ABL1: variants seen among roughly 807,000 people sequenced by gnomAD.
The protein encoded by ABL1 is tyrosine-protein kinase ABL1.
ABL1 carries 11 observed loss-of-function variants against 94.7 expected under a neutral mutation model. That is an observed-to-expected ratio of 0.12 (90% CI 0.07 to 0.19). ABL1 has a LOEUF of 0.19. Among genes scored for constraint, ABL1 ranks in the 10% least tolerant of loss-of-function variants. ABL1 has a pLI of 1.00. For synonymous variants in ABL1, 656 were observed against 622.4 expected, an observed-to-expected ratio of 1.05 and a Z score of -0.80; for missense variants, 1,082 against 1,489.4, an observed-to-expected ratio of 0.73 and a Z score of 4.50.
At chr9:130,833,228 T>C (rs1830515044), upstream of ABL1, among the ~76,000 whole-genome samples, 1 of 152,238 alleles carries the variant, frequency 6.6e-6, no homozygotes, top group South Asian at 2.1e-4. Context: ...ATTCTTGGCA[T>C]TAAGCCGCCA....
Position 130,884,504 on chromosome 9 carries a change from G to T in ABL1, c.2214G>T (p.Arg738=). ...AGTGGAGGTCAGTCACGCTGCCTCG[G>T]GACTTGCAGTCCACGGGAAGACAGT... is the stretch of plus-strand genomic sequence containing the variant. ...DTEWRSVTLP[R]DLQSTGRQFD... The change falls in exon 11 of 11, where the codon CGG becomes CGT. Residue 738 remains arginine (R), a synonymous_variant. Coordinates refer to ENST00000318560, the MANE Select transcript of ABL1 (RefSeq NM_005157.6). The surrounding 1 kb of genome is among the most constrained non-coding windows in gnomAD (Gnocchi z 5.6). 6.2e-7 allele frequency: 1 copy of T among 1,613,178 alleles called. No homozygotes were observed. Among genetic ancestry groups the T allele is most frequent in the Non-Finnish European group, 8.5e-7 (1 of 1,180,044 alleles).
chr9:130,867,201 G>T (rs1052659710), intron 4 of ABL1, among the ~76,000 whole-genome samples: 1 of 152,192 alleles, frequency 6.6e-6, no homozygotes, highest in Admixed American at 6.5e-5. Context: ...CTCGAGTTCT[G>T]TGTCTTTCCT....
chr9:130,717,177 G>C (rs1459459306), intron 1 of ABL1, among the ~76,000 whole-genome samples: 1 of 151,922 alleles, frequency 6.6e-6, no homozygotes. Flanking sequence ...TGAGTAGCTG[G>C]GATTACAGGC....
chr9:130,866,731 G>C (rs1831163834), intron 4 of ABL1, among the ~76,000 whole-genome samples: 1 of 152,216 alleles, frequency 6.6e-6, no homozygotes, highest in Admixed American at 6.5e-5. Context: ...AAGGCTCATT[G>C]ATTGGGAACT....
chr9:130,791,688 T>C (rs1362612488), intron 1 of ABL1, among the ~76,000 whole-genome samples: 3 of 152,188 alleles, frequency 2.0e-5, no homozygotes, highest in Non-Finnish European at 4.4e-5. Flanking sequence ...TTTGGACTCT[T>C]GGACTTGTAC....
chr9:130,860,477 T>TAA (rs1831053884), intron 3 of ABL1, among the ~76,000 whole-genome samples: 1 of 152,152 alleles, frequency 6.6e-6, no homozygotes, highest in Admixed American at 6.6e-5. Flanking sequence ...CTGCGTAAAC[T>TAA]AGGACTTAGG....
chr9:130,836,130 A>G (rs1830579254), intron 1 of ABL1, among the ~76,000 whole-genome samples: 1 of 152,166 alleles, frequency 6.6e-6, no homozygotes, highest in African/African-American at 2.4e-5. Flanking sequence ...ACAGACCACG[A>G]AGAGGTCTTA....
intron 1 of ABL1, among the ~76,000 whole-genome samples, chr9:130,844,587 G>A (rs1830731791): frequency 6.6e-6 from 1 of 152,036 alleles, no homozygotes; most frequent in South Asian, 2.1e-4. Context: ...GATCACTTGA[G>A]GTCAGGAGTT....
Position 130,862,620 on chromosome 9 carries a change from T to A in ABL1, c.550-143T>A. ...GTAGAGAAAGACAGCAGAAGTGATC[T>A]TCTAAACACTCTGTCCTGTGTGGAG... On this transcript the variant is annotated intron_variant, in intron 3 of 10. Coordinates refer to ENST00000318560, the MANE Select transcript of ABL1 (RefSeq NM_005157.6). This position sits in a 1 kb window ranked among gnomAD's most constrained non-coding sequence, Gnocchi z 5.5. The A allele has an allele frequency of 1.1e-6, 1 of 910,822 alleles. No individual in the cohort carries two copies. Among genetic ancestry groups the A allele is most frequent in the South Asian group, 1.8e-5 (1 of 56,570 alleles). The allele number at this position is 910,822 out of a possible 1,614,324, so 56.4% of individuals were successfully genotyped here.
rs1021677333 is a variant in ABL1 at position 130,885,806 on chromosome 9, C to T, written c.*123C>T. On this transcript the variant is annotated 3_prime_UTR_variant, in exon 11 of 11. Coordinates refer to ENST00000318560, the MANE Select transcript of ABL1 (RefSeq NM_005157.6). Reference sequence around the variant, plus strand: ...TCAGCACCTTGGCCCAGGAGCTCTGCGCCAGGCAGAGCTGAGGGCCCTGTG... The same window carrying T: ...TCAGCACCTTGGCCCAGGAGCTCTGTGCCAGGCAGAGCTGAGGGCCCTGTG... 18 of 1,327,664 alleles carry T rather than the reference C, an allele frequency of 1.4e-5. No individual in the cohort carries two copies. The Admixed American group carries it at 2.0e-4, about 14-fold the overall frequency. The allele number at this position is 1,327,664 out of a possible 1,614,324, so 82.2% of individuals were successfully genotyped here.
upstream of ABL1, among the ~76,000 whole-genome samples, chr9:130,833,484 G>A (rs967123226): frequency 2.6e-5 from 4 of 152,142 alleles, no homozygotes; most frequent in African/African-American, 9.7e-5. Flanking sequence ...GAATGACAGC[G>A]CTTCCCAGAT....
intron 1 of ABL1, among the ~76,000 whole-genome samples, chr9:130,722,138 A>G (rs899974290): frequency 6.6e-6 from 1 of 151,870 alleles, no homozygotes; most frequent in Admixed American, 6.6e-5. Flanking sequence ...CACGCCTGTA[A>G]TCCCAGCACT....
intron 1 of ABL1, among the ~76,000 whole-genome samples, chr9:130,730,188 A>G (rs953233907): frequency 2.0e-5 from 3 of 151,702 alleles, no homozygotes; most frequent in African/African-American, 7.3e-5. Flanking sequence ...GAATATGGAC[A>G]TGTGCCACCA....
intron 8 of ABL1, among the ~76,000 whole-genome samples, 181 bp downstream of exon 8, chr9:130,878,748 T>C (rs1831396231): frequency 6.6e-6 from 1 of 152,248 alleles, no homozygotes; most frequent in Non-Finnish European, 1.5e-5. Flanking sequence ...AAATAGTATG[T>C]GCGTGACTTG....
At position 130,835,759 on chromosome 9, in the gene ABL1, C is replaced by CTCTT. The variant is rs1830569403; in HGVS notation, c.79+237_79+238insTTCT. On this transcript the variant is annotated intron_variant, in intron 1 of 10. Transcript: ENST00000318560. The surrounding 1 kb of genome is among the most constrained non-coding windows in gnomAD (Gnocchi z 4.6). Reference sequence around the variant, plus strand: ...TTCTCTTGTCTCTCTCTTTTTCTCTCTCTCTGTCTCTTTCTCTTTCTCGCG... The same window carrying CTCTT: ...TTCTCTTGTCTCTCTCTTTTTCTCTCTCTTTCTCTGTCTCTTTCTCTTTCTCGCG... Among the ~76,000 whole-genome samples the CTCTT allele has an allele frequency of 2.4e-5, 1 of 41,782 alleles. No individual in the cohort carries two copies. Among genetic ancestry groups the CTCTT allele is most frequent in the South Asian group, 1.0e-3 (1 of 994 alleles). The allele number at this position is 41,782 out of a possible 152,430, so 27.4% of individuals were successfully genotyped here.
intron 1 of ABL1, among the ~76,000 whole-genome samples, chr9:130,717,653 G>T (rs11244107): frequency 0.01 from 1,553 of 149,858 alleles, 8 homozygotes; most frequent in Middle Eastern, 0.017. Context: ...CCGTGTCTCT[G>T]GGGGGTAAAA....
At chr9:130,874,798 C>G in intron 6 of ABL1, 70 bp from the exon 7 acceptor site, 1 of 1,498,226 alleles carries the variant, frequency 6.7e-7, no homozygotes, top group South Asian at 1.2e-5. Context: ...CACCTTTGCT[C>G]AGCAGTGGTG....
exon 1 of ABL1, chr9:130,714,224 G>A: frequency 3.2e-6 from 4 of 1,255,886 alleles, no homozygotes; most frequent in Non-Finnish European, 4.2e-6. Context: ...TGCAGCGAAT[G>A]TGAAATCCCA....
At chr9:130,866,088 C>G (rs979984341) in intron 4 of ABL1, among the ~76,000 whole-genome samples, 11 of 152,156 alleles carry the variant, frequency 7.2e-5, no homozygotes, top group Non-Finnish European at 1.0e-4. Context: ...CTGCAAAGAT[C>G]TGAGCTCCGA....
Sources: allele counts gnomAD v4.1 joint callset (sites outside exome capture counted in the v4.1 genomes callset), GRCh38; gene constraint gnomAD v4.1.1; non-coding constraint Gnocchi (gnomAD v3.1); transcripts MANE v1.5; gene names NCBI Gene and HGNC (gene_info 2026-07-23, HGNC 2026-07-21).